The following ATP9B variants were observed in gnomAD, a reference collection of about 807,000 sequenced individuals.
The protein encoded by ATP9B is probable phospholipid-transporting ATPase IIB.
Under a neutral mutation model 146.1 loss-of-function variants are expected in ATP9B, and 110 were observed. The ratio of observed to expected loss-of-function variants is 0.75; its 90% confidence interval spans 0.65 to 0.88. ATP9B has a LOEUF of 0.88. Ranked by LOEUF, ATP9B falls within the 40% of genes least tolerant of loss-of-function variation. ATP9B has a pLI of 0.00. For missense variants in ATP9B, 1,499 were observed against 1,496.4 expected (o/e 1.00, Z -0.03); for synonymous variants, 604 against 569.7 (o/e 1.06, Z -0.86).
chr18:79,316,197 A>G (rs1252663304), intron 15 of ATP9B, among the ~76,000 whole-genome samples: 1 of 152,202 alleles, frequency 6.6e-6, no homozygotes, highest in Non-Finnish European at 1.5e-5. Flanking sequence ...GGATTATTAG[A>G]GAGCTCCTGA....
intron 13 of ATP9B, among the ~76,000 whole-genome samples, chr18:79,289,682 G>A (rs1237835775): frequency 2.6e-5 from 4 of 152,222 alleles, no homozygotes; most frequent in African/African-American, 9.6e-5. Context: ...GAGGAGGAGA[G>A]GCGCTCTGCT....
intron 15 of ATP9B, among the ~76,000 whole-genome samples, chr18:79,327,828 T>G (rs75544355): frequency 4.2e-5 from 1 of 23,668 alleles, no homozygotes; most frequent in Non-Finnish European, 7.7e-5. Context: ...CCGTGGTTAG[T>G]GTGTTCTCCG....
intron 13 of ATP9B, among the ~76,000 whole-genome samples, chr18:79,290,721 G>C (rs1431063156): frequency 2.0e-5 from 3 of 152,228 alleles, no homozygotes; most frequent in Non-Finnish European, 4.4e-5. Context: ...CACGCTGGGA[G>C]CTGTAGACTG....
chr18:79,174,673 AT>A (rs1246082049), intron 7 of ATP9B, among the ~76,000 whole-genome samples: 3 of 152,224 alleles, frequency 2.0e-5, no homozygotes, highest in Admixed American at 1.3e-4. Context: ...CAAAACAACC[AT>A]GTTATTAATT....
chr18:79,164,942 T>G (rs1394754002), intron 7 of ATP9B, among the ~76,000 whole-genome samples: 1 of 152,142 alleles, frequency 6.6e-6, no homozygotes. Flanking sequence ...TGGATTTGCA[T>G]GGACATTTTA....
At chr18:79,079,166 G>C (rs1400352012) in intron 1 of ATP9B, among the ~76,000 whole-genome samples, 6 of 152,044 alleles carry the variant, frequency 3.9e-5, no homozygotes, top group Admixed American at 3.3e-4. Flanking sequence ...TAATCCTTTG[G>C]GTATATACCC....
At position 79,327,630 on chromosome 18, in the gene ATP9B, TGCCCTCCCTGG is replaced by T. The variant is rs1288955833; in HGVS notation, c.1774-1510_1774-1500del. ...GTTAGCGTGCCCTCCCTGGTTAGTG[TGCCCTCCCTGG>T]TTAGCATGCTCTCCGTGTTTAGCGT... On this transcript the variant is annotated intron_variant, in intron 15 of 29. Coordinates refer to ENST00000426216, the MANE Select transcript of ATP9B (RefSeq NM_198531.5). Among the ~76,000 whole-genome samples the T allele has an allele frequency of 1.2e-4, 17 of 141,208 alleles. 1 individual carries two copies. Among genetic ancestry groups the T allele is most frequent in the African/African-American group, 3.5e-4 (13 of 36,698 alleles). 92.6% of individuals were successfully genotyped at this position (141,208 alleles called of 152,430 possible). A position where few individuals can be genotyped will look rare whatever the true frequency, so the allele number is the denominator to read the frequency against.
At chr18:79,262,426 T>C (rs1235566367) in intron 12 of ATP9B, among the ~76,000 whole-genome samples, 2 of 152,176 alleles carry the variant, frequency 1.3e-5, no homozygotes, top group Non-Finnish European at 2.9e-5. Flanking sequence ...ATACAAACCT[T>C]ATTGCCTCTA....
intron 2 of ATP9B, among the ~76,000 whole-genome samples, chr18:79,108,742 C>A (rs1358465891): frequency 6.6e-6 from 1 of 152,180 alleles, no homozygotes; most frequent in East Asian, 1.9e-4. Flanking sequence ...ACAGAACCAA[C>A]CTCTGACCTT....
intron 11 of ATP9B, among the ~76,000 whole-genome samples, chr18:79,237,940 A>G (rs1348068950): frequency 6.6e-6 from 1 of 152,138 alleles, no homozygotes; most frequent in Non-Finnish European, 1.5e-5. Flanking sequence ...TCCTCCAGCC[A>G]TGGCTTCTCA....
chr18:79,291,187 T>A (rs1225466279), intron 13 of ATP9B, among the ~76,000 whole-genome samples: 2 of 151,866 alleles, frequency 1.3e-5, no homozygotes, highest in Non-Finnish European at 2.9e-5. Flanking sequence ...TTTTAAGAAA[T>A]CAGAAACCTT....
chr18:79,234,425 G>C (rs1273035768), intron 11 of ATP9B, among the ~76,000 whole-genome samples: 1 of 152,212 alleles, frequency 6.6e-6, no homozygotes, highest in Non-Finnish European at 1.5e-5. Context: ...TGCAGGTGCA[G>C]CCACACCTTT....
chr18:79,324,437 G>A (rs569675117), intron 15 of ATP9B, among the ~76,000 whole-genome samples: 4 of 152,222 alleles, frequency 2.6e-5, no homozygotes, highest in Non-Finnish European at 4.4e-5. Context: ...AATTTGATTA[G>A]TGGTTTTAGA....
chr18:79,316,739 CAGTAAG>C (rs1316265139), intron 15 of ATP9B, among the ~76,000 whole-genome samples: 1 of 151,960 alleles, frequency 6.6e-6, no homozygotes, highest in African/African-American at 2.4e-5. Context: ...ACTAAAAACT[CAGTAAG>C]AAGAAGAACA....
chr18:79,226,953 T>C (rs1389104243), intron 11 of ATP9B, among the ~76,000 whole-genome samples: 1 of 152,160 alleles, frequency 6.6e-6, no homozygotes, highest in Non-Finnish European at 1.5e-5. Flanking sequence ...GAACACCCAC[T>C]GTGTGTTGGG....
intron 7 of ATP9B, among the ~76,000 whole-genome samples, chr18:79,164,631 A>C (rs902945808): frequency 5.3e-5 from 8 of 152,142 alleles, no homozygotes; most frequent in Non-Finnish European, 1.2e-4. Flanking sequence ...CGGCAGGAGA[A>C]TGGTGTGAAC....
intron 10 of ATP9B, among the ~76,000 whole-genome samples, chr18:79,210,400 C>T (rs2095573348): frequency 6.6e-6 from 1 of 152,096 alleles, no homozygotes. Flanking sequence ...GTGGGCCAGC[C>T]GTGTGGTGTC....
At chr18:79,286,725 G>C (rs62102771) in intron 13 of ATP9B, among the ~76,000 whole-genome samples, 1 of 151,714 alleles carries the variant, frequency 6.6e-6, no homozygotes, top group East Asian at 1.9e-4. Flanking sequence ...TTCCAGTTTT[G>C]GCCCATTCAG....
At chr18:79,185,979 T>G (rs2095304853) in intron 8 of ATP9B, among the ~76,000 whole-genome samples, 1 of 152,210 alleles carries the variant, frequency 6.6e-6, no homozygotes, top group South Asian at 2.1e-4. Context: ...TAATAATAAC[T>G]GTGCTGCAGA....
Sources: gnomAD v4.1 joint callset for allele counts (sites outside exome capture counted in the v4.1 genomes callset) on GRCh38, gnomAD v4.1.1 for gene constraint, MANE v1.5 for transcripts, NCBI Gene and HGNC (gene_info 2026-07-23, HGNC 2026-07-21) for gene names.